Variants in CHD9 observed in about 807,000 individuals in gnomAD.
The protein encoded by CHD9 is ATP-dependent chromatin remodeler CHD9.
In CHD9, 77 loss-of-function variants were observed where a neutral mutation model predicts 316.1. The ratio of observed to expected loss-of-function variants is 0.24; its 90% CI spans 0.20 to 0.29. The LOEUF (loss-of-function observed/expected upper bound fraction) is 0.29. CHD9 is among the 10% of genes least tolerant of loss of function. The probability of loss-of-function intolerance (pLI) is 1.00; values close to 1 mark genes in which losing one functional copy is unlikely to be tolerated. For missense variants in CHD9, 2,763 were observed against 3,438.1 expected (o/e 0.80, Z 4.91); for synonymous variants, 1,129 against 1,158.3 (o/e 0.97, Z 0.51).
rs2046182549 is a variant in CHD9 at position 53,209,771 on chromosome 16, A to G, written c.1742A>G (p.Lys581Arg). 2 of 1,604,764 alleles carry G rather than the reference A, an allele frequency of 1.2e-6. No homozygotes were observed. The highest frequency in any genetic ancestry group is 1.7e-6 in the Non-Finnish European group (2 of 1,176,192). ...AAGCCAAAGGACAAAGACAGCAAAA[A>G]AACAAAAACATGTTCTAAGTTAAAA... ...KSKPKDKDSK[K>R]TKTCSKLKEK... The change falls in exon 3 of 39, where the codon AAA becomes AGA. Residue 581 changes from lysine to arginine, a missense_variant. Lys to Arg is a conservative substitution (Grantham distance 26). Transcript: ENST00000447540.
At chr16:53,162,633 A>G (rs2041993598) in intron 2 of CHD9, among the ~76,000 whole-genome samples, 6 of 151,702 alleles carry the variant, frequency 4.0e-5, no homozygotes, top group Admixed American at 3.9e-4. Context: ...ACTCATACAT[A>G]ATGTTTTATT....
chr16:53,226,992 A>ATTT lies in CHD9; in HGVS notation c.2044-400_2044-398dup, dbSNP rs145797249. ...GCCATATGTGCTTCCCTCGTCTATG[A>ATTT]TTTTTTAAGTCCCCCTTATATGCAT... On this transcript the variant is annotated intron_variant, in intron 5 of 38. Transcript: ENST00000447540. Among the ~76,000 whole-genome samples the ATTT allele has an allele frequency of 3.9e-3, 587 of 152,210 alleles. 9 individuals are homozygous for ATTT. Among genetic ancestry groups the ATTT allele is most frequent in the African/African-American group, 0.013 (553 of 41,528 alleles).
Position 53,318,206 on chromosome 16 carries a change from T to C in CHD9, c.7585-6T>C, listed in dbSNP as rs756584364. 11 of 1,606,268 alleles carry C rather than the reference T, an allele frequency of 6.8e-6. No homozygotes were observed. The highest frequency in any genetic ancestry group is 8.5e-6 in the Non-Finnish European group (10 of 1,176,908). ...TTAAAGATATGTCTTTATCTATATATTTTAGAGAATGCAGCTTCATGAGGG... is the reference window on the plus strand; with the variant it reads ...TTAAAGATATGTCTTTATCTATATACTTTAGAGAATGCAGCTTCATGAGGG... On this transcript the variant is annotated splice_polypyrimidine_tract_variant and splice_region_variant and intron_variant, in intron 36 of 38. Coordinates refer to ENST00000447540, the MANE Select transcript of CHD9 (RefSeq NM_001308319.2).
intron 30 of CHD9, 146 bp downstream of exon 30, chr16:53,297,304 T>C: frequency 1.6e-6 from 1 of 637,412 alleles, no homozygotes; most frequent in Non-Finnish European, 2.7e-6. Context: ...ATAAATAAAC[T>C]AGCTTAAAGA....
At chr16:53,219,220 G>C (rs7202940) in intron 3 of CHD9, among the ~76,000 whole-genome samples, 1 of 152,048 alleles carries the variant, frequency 6.6e-6, no homozygotes, top group African/African-American at 2.4e-5. Context: ...TGAGAGATTG[G>C]ATTGGGTGCA....
chr16:53,282,717 C>T (rs973850792), intron 24 of CHD9, among the ~76,000 whole-genome samples: 2 of 152,182 alleles, frequency 1.3e-5, no homozygotes, highest in East Asian at 1.9e-4. Flanking sequence ...CCCAGATGTT[C>T]GCTGATATTC....
intron 30 of CHD9, chr16:53,299,830 G>A: frequency 6.3e-6 from 1 of 158,606 alleles, no homozygotes; most frequent in East Asian, 1.9e-4. Context: ...CTTTCTAGTG[G>A]AGAGCACACA....
rs997385482 is a variant in CHD9 at position 53,292,918 on chromosome 16, C to T, written c.5376C>T (p.Tyr1792=). 3.1e-6 allele frequency: 5 copies of T among 1,613,560 alleles called. No individual in the cohort carries two copies. Among genetic ancestry groups the T allele is most frequent in the Non-Finnish European group, 3.4e-6 (4 of 1,179,776 alleles). The change falls in exon 29 of 39, where the codon TAC becomes TAT. Residue 1792 remains tyrosine (Y), a synonymous_variant. Transcript: ENST00000447540. Reference sequence around the variant, plus strand: ...GTTTGAGGCGTCTCATCACTGCATACCAGCGTACTAATAAAAACAGACAAA... The same window carrying T: ...GTTTGAGGCGTCTCATCACTGCATATCAGCGTACTAATAAAAACAGACAAA... The part of the protein sequence containing the change: ...TTRLRRLITA[Y]QRTNKNRQIQ...
intron 17 of CHD9, among the ~76,000 whole-genome samples, chr16:53,252,114 A>G (rs2050177502): frequency 6.6e-6 from 1 of 152,204 alleles, no homozygotes; most frequent in African/African-American, 2.4e-5. Flanking sequence ...AGCCAAAAGA[A>G]CAAATCTGAA....
intron 2 of CHD9, chr16:53,208,736 A>G (rs1236299124): frequency 1.0e-6 from 1 of 984,094 alleles, no homozygotes; most frequent in African/African-American, 1.7e-5. Flanking sequence ...ACTGTGATCT[A>G]AGTATATGTG....
intron 1 of CHD9, among the ~76,000 whole-genome samples, chr16:53,142,134 A>G (rs1158082078): frequency 6.6e-6 from 1 of 152,250 alleles, no homozygotes; most frequent in Non-Finnish European, 1.5e-5. Flanking sequence ...AATACATTCA[A>G]TACTATTAGA....
At chr16:53,269,889 C>G (rs200493570) in intron 22 of CHD9, among the ~76,000 whole-genome samples, 1 of 152,134 alleles carries the variant, frequency 6.6e-6, no homozygotes, top group Non-Finnish European at 1.5e-5. Flanking sequence ...TCCCGCCCCC[C>G]ACAATGAAGA....
intron 20 of CHD9, among the ~76,000 whole-genome samples, chr16:53,265,307 G>A (rs945011003): frequency 3.3e-5 from 5 of 152,124 alleles, no homozygotes; most frequent in Admixed American, 2.0e-4. Flanking sequence ...GAGCCTGAAG[G>A]TGTGAGGATG....
intron 24 of CHD9, among the ~76,000 whole-genome samples, chr16:53,281,208 C>G (rs1012049496): frequency 6.6e-6 from 1 of 152,180 alleles, no homozygotes; most frequent in Non-Finnish European, 1.5e-5. Context: ...TGCCTCCCAA[C>G]ATTTCCACTT....
chr16:53,267,174 T>C, intron 20 of CHD9, 120 bp from the exon 21 acceptor site: 1 of 582,890 alleles, frequency 1.7e-6, no homozygotes, highest in Non-Finnish European at 2.8e-6. Context: ...GGTGAAATTG[T>C]TAGTTGTTTC....
At chr16:53,132,105 TGG>T (rs141834170) in intron 1 of CHD9, among the ~76,000 whole-genome samples, 1 of 151,090 alleles carries the variant, frequency 6.6e-6, no homozygotes, top group Non-Finnish European at 1.5e-5. Context: ...AAATTTTTTT[TGG>T]GGGGGGTGGT....
chr16:53,280,251 G>T (rs1414222892), intron 24 of CHD9, among the ~76,000 whole-genome samples: 1 of 152,090 alleles, frequency 6.6e-6, no homozygotes, highest in African/African-American at 2.4e-5. Flanking sequence ...GTTTGCAATT[G>T]CAAAAAACGT....
At chr16:53,307,014 A>C (rs2056046760) in intron 32 of CHD9, among the ~76,000 whole-genome samples, 1 of 152,058 alleles carries the variant, frequency 6.6e-6, no homozygotes, top group South Asian at 2.1e-4. Context: ...TCCTGACCTC[A>C]AGTGATCCGC....
At chr16:53,201,402 C>T (rs574763323) in intron 2 of CHD9, among the ~76,000 whole-genome samples, 1 of 152,098 alleles carries the variant, frequency 6.6e-6, no homozygotes, top group Admixed American at 6.5e-5. Context: ...CACTTAGTAC[C>T]CCTATGTCTT....
Sources: allele counts gnomAD v4.1 joint callset (sites outside exome capture counted in the v4.1 genomes callset), GRCh38; gene constraint gnomAD v4.1.1; transcripts MANE v1.5; gene names NCBI Gene and HGNC (gene_info 2026-07-23, HGNC 2026-07-21).